HIVEP3: variants seen among roughly 807,000 people sequenced by gnomAD.
HIVEP3 encodes transcription factor HIVEP3.
In HIVEP3, 49 loss-of-function variants were observed where a neutral mutation model predicts 152.8. The observed-to-expected ratio is 0.32, with a 90% CI of 0.26 to 0.41. HIVEP3 has a LOEUF of 0.41. HIVEP3 is among the 10% of genes least tolerant of loss of function. The pLI is 1.00. For missense variants in HIVEP3, 2,790 were observed against 3,103.3 expected (o/e 0.90, Z 2.40); for synonymous variants, 1,269 against 1,289.0 (o/e 0.98, Z 0.33).
chr1:41,774,805 T>C (rs1375617284), intron 1 of HIVEP3, among the ~76,000 whole-genome samples: 1 of 151,498 alleles, frequency 6.6e-6, no homozygotes, highest in Non-Finnish European at 1.5e-5. Flanking sequence ...TATTTATTTA[T>C]TTATTTTTTG....
rs542839496 is a variant in HIVEP3, at chr1:42,022,347, A to T, written n.119+13460T>A. Among the ~76,000 whole-genome samples the T allele has an allele frequency of 2.6e-5, 4 of 152,158 alleles. No individual in the cohort carries two copies. In the East Asian group the frequency reaches 7.7e-4, roughly 29 times the overall value. On this transcript the variant is annotated intron_variant and non_coding_transcript_variant, in intron 1 of 3. Coordinates refer to the HIVEP3 transcript ENST00000489103. ...TCCTACAAAGCATCCCTCCCGTGGG[A>T]TGCTTGCTTCCATGCTCTCTTCCTG...
At chr1:41,833,069 G>A (rs1031643114) in intron 1 of HIVEP3, among the ~76,000 whole-genome samples, 1 of 152,218 alleles carries the variant, frequency 6.6e-6, no homozygotes, top group Non-Finnish European at 1.5e-5. Context: ...GTGGGAGAAG[G>A]CACGGAAATA....
At chr1:41,935,959 G>A (rs1038279454) in intron 1 of HIVEP3, among the ~76,000 whole-genome samples, 11 of 151,796 alleles carry the variant, frequency 7.2e-5, no homozygotes, top group East Asian at 1.9e-4. Flanking sequence ...TAGGGGAGTC[G>A]AGCTATACTC....
chr1:41,631,120 G>T (rs1409233911), intron 2 of HIVEP3, among the ~76,000 whole-genome samples: 1 of 152,236 alleles, frequency 6.6e-6, no homozygotes, highest in Non-Finnish European at 1.5e-5. Context: ...AGTTGTTTCA[G>T]TCAGTGGTGG....
intron 1 of HIVEP3, among the ~76,000 whole-genome samples, chr1:41,997,389 G>A (rs541990431): frequency 4.6e-5 from 7 of 152,178 alleles, no homozygotes; most frequent in Non-Finnish European, 1.0e-4. Context: ...TCAGCAACAC[G>A]AACATGAAAA....
At chr1:41,826,753 C>A (rs766585674) in intron 1 of HIVEP3, among the ~76,000 whole-genome samples, 7 of 152,196 alleles carry the variant, frequency 4.6e-5, no homozygotes, top group Non-Finnish European at 8.8e-5. Context: ...TCTTACAGTT[C>A]ATTCATTCTA....
At chr1:41,803,778 A>T (rs975534490) in intron 1 of HIVEP3, among the ~76,000 whole-genome samples, 2 of 152,216 alleles carry the variant, frequency 1.3e-5, no homozygotes, top group African/African-American at 4.8e-5. Context: ...GCTAAGGACT[A>T]TGTCACACAA....
intron 1 of HIVEP3, among the ~76,000 whole-genome samples, chr1:41,844,749 A>T (rs1432335274): frequency 6.6e-6 from 1 of 152,262 alleles, no homozygotes; most frequent in Non-Finnish European, 1.5e-5. Flanking sequence ...TTCAGACTAA[A>T]CTAACATCCA....
intron 1 of HIVEP3, among the ~76,000 whole-genome samples, chr1:42,030,658 C>T (rs976304094): frequency 1.3e-5 from 2 of 152,170 alleles, no homozygotes; most frequent in African/African-American, 4.8e-5. Flanking sequence ...TGTCGATTAT[C>T]GGTTTTCCTC....
rs564111740 is a variant in HIVEP3, at chr1:41,539,972, G to T, written c.5208-15062C>A. 2.1e-3 allele frequency among the ~76,000 whole-genome samples: 324 copies of T among 152,340 alleles called. 1 individual carries two copies. The highest frequency in any genetic ancestry group is 4.8e-3 in the South Asian group (23 of 4,826). ...CTGAGTACGAATAGCAGGTATTGAG[G>T]CAGAAAGGCCAGTTGGAGACTGGCT... On this transcript the variant is annotated intron_variant, in intron 5 of 8. Transcript: ENST00000372583.
At chr1:41,536,338 C>T (rs374557603) in intron 5 of HIVEP3, among the ~76,000 whole-genome samples, 4 of 152,148 alleles carry the variant, frequency 2.6e-5, no homozygotes, top group South Asian at 2.1e-4. Flanking sequence ...GCTCAGGACA[C>T]GTCCAGCACA....
At chr1:41,572,594 C>G (rs1293244467) in intron 5 of HIVEP3, among the ~76,000 whole-genome samples, 1 of 152,158 alleles carries the variant, frequency 6.6e-6, no homozygotes, top group African/African-American at 2.4e-5. Context: ...GGCAGGATGA[C>G]AGTTAACCCC....
chr1:41,759,428 T>C (rs887993543), intron 1 of HIVEP3, among the ~76,000 whole-genome samples: 10 of 152,210 alleles, frequency 6.6e-5, no homozygotes, highest in African/African-American at 2.4e-4. Context: ...CATCTGTTGA[T>C]GGAGATTTGG....
chr1:41,611,777 C>A (rs1007772602), intron 3 of HIVEP3, among the ~76,000 whole-genome samples: 17 of 152,210 alleles, frequency 1.1e-4, no homozygotes, highest in Admixed American at 7.2e-4. Context: ...GATTGTGCTG[C>A]CTGATTCCAT....
chr1:41,928,060 C>CAAAAA (rs10660316), intron 1 of HIVEP3, among the ~76,000 whole-genome samples: 19 of 86,290 alleles, frequency 2.2e-4, no homozygotes, highest in East Asian at 6.4e-4. Context: ...GACTCCATCT[C>CAAAAA]AAAAAAAAAA....
chr1:41,815,326 G>GCTGGGCATGGTGGTGCATGC (rs1428907007), intron 1 of HIVEP3, among the ~76,000 whole-genome samples: 28 of 152,242 alleles, frequency 1.8e-4, no homozygotes, highest in Non-Finnish European at 2.9e-4. Flanking sequence ...ATAAAAATTA[G>GCTGGGCATGGTGGTGCATGC]CTGGGCATGG....
chr1:41,901,837 T>C (rs1570772647), intron 1 of HIVEP3, among the ~76,000 whole-genome samples: 1 of 152,192 alleles, frequency 6.6e-6, no homozygotes, highest in Non-Finnish European at 1.5e-5. Context: ...TCACAGCCAT[T>C]ATCTTAATGT....
chr1:41,624,677 G>A (rs1645091354), intron 3 of HIVEP3, among the ~76,000 whole-genome samples: 1 of 152,146 alleles, frequency 6.6e-6, no homozygotes, highest in African/African-American at 2.4e-5. Context: ...AAATGATTGT[G>A]GGGCTTCCTG....
In HIVEP3 at chr1:41,664,062, A is replaced by C. The variant is rs1264946443; in HGVS notation, c.-720-35115T>G. Among the ~76,000 whole-genome samples, 1 of 152,162 alleles carries C rather than the reference A, an allele frequency of 6.6e-6. No homozygotes were observed. Among genetic ancestry groups the C allele is most frequent in the East Asian group, 1.9e-4 (1 of 5,190 alleles). On this transcript the variant is annotated intron_variant, in intron 2 of 8. Coordinates refer to ENST00000372583, the MANE Select transcript of HIVEP3 (RefSeq NM_024503.5). The surrounding 1 kb of genome is among the most constrained non-coding windows in gnomAD (Gnocchi z 4.4). ...ACTTTGCACCAGTTTCCACTTCTTG[A>C]GGTCTTCATACAGGCTTTCCCTTTG...
Sources: gnomAD v4.1 joint callset for allele counts (sites outside exome capture counted in the v4.1 genomes callset) on GRCh38, gnomAD v4.1.1 for gene constraint, Gnocchi (gnomAD v3.1) non-coding constraint, MANE v1.5 for transcripts, NCBI Gene and HGNC (gene_info 2026-07-23, HGNC 2026-07-21) for gene names.